The following PXK variants were observed in gnomAD, a reference collection of about 807,000 sequenced individuals.
PXK encodes PX domain containing serine/threonine kinase like.
PXK carries 35 observed loss-of-function variants against 84.7 expected under a neutral mutation model. That is an observed-to-expected ratio of 0.41 (90% CI 0.32 to 0.55). PXK has a LOEUF of 0.55. Ranked by LOEUF, PXK falls within the 20% of genes least tolerant of loss-of-function variation. The pLI is 0.21. For missense variants in PXK, 634 were observed against 699.7 expected, an observed-to-expected ratio of 0.91 and a Z score of 1.06; for synonymous variants, 253 against 260.8, an observed-to-expected ratio of 0.97 and a Z score of 0.29.
chr3:58,420,548 C>T, intron 17 of PXK: 2 of 1,535,916 alleles, frequency 1.3e-6, no homozygotes, highest in Non-Finnish European at 1.7e-6. Context: ...GAGCATGCAC[C>T]ATTTTGAACG....
At position 58,366,009 on chromosome 3, in the gene PXK, T is replaced by A. The variant is rs1191087435; in HGVS notation, c.153+85T>A. 5 of 1,176,154 alleles carry A rather than the reference T, an allele frequency of 4.3e-6. No homozygotes were observed. In the African/African-American group the frequency reaches 6.4e-5, roughly 15 times the overall value. The allele number at this position is 1,176,154 out of a possible 1,614,324, so 72.9% of individuals were successfully genotyped here. A position where few individuals can be genotyped will look rare whatever the true frequency, so the allele number is the denominator to read the frequency against. Reference sequence around the variant, plus strand: ...CCCTGACTTGGGGCCTCTGAAAGTCTGGAAAAATCAGAACATGCATAAATA... The same window carrying A: ...CCCTGACTTGGGGCCTCTGAAAGTCAGGAAAAATCAGAACATGCATAAATA... On this transcript the variant is annotated intron_variant, in intron 2 of 17. Transcript: ENST00000356151.
intron 3 of PXK, among the ~76,000 whole-genome samples, chr3:58,378,624 TC>T (rs2098468695): frequency 6.9e-6 from 1 of 145,502 alleles, no homozygotes; most frequent in South Asian, 2.4e-4. Flanking sequence ...AACCTCTGCC[TC>T]CCAGGTTCAA....
chr3:58,388,107 G>T (rs2098579097), intron 4 of PXK, among the ~76,000 whole-genome samples: 1 of 152,344 alleles, frequency 6.6e-6, no homozygotes, highest in Non-Finnish European at 1.5e-5. Context: ...CCGAGTCTGG[G>T]GAAGGAGGGG....
intron 1 of PXK, among the ~76,000 whole-genome samples, chr3:58,341,190 T>C (rs906555370): frequency 6.6e-6 from 1 of 152,176 alleles, no homozygotes; most frequent in Admixed American, 6.5e-5. Context: ...TTTCTTCAGA[T>C]TGACCATTTA....
chr3:58,418,406 G>A (rs1450746252), intron 17 of PXK, among the ~76,000 whole-genome samples: 2 of 152,198 alleles, frequency 1.3e-5, no homozygotes, highest in African/African-American at 4.8e-5. Flanking sequence ...AGAGCCAGGA[G>A]TGTAACTTGT....
At chr3:58,337,909 G>A (rs774178953) in intron 1 of PXK, among the ~76,000 whole-genome samples, 1 of 152,138 alleles carries the variant, frequency 6.6e-6, no homozygotes, top group South Asian at 2.1e-4. Flanking sequence ...CTATTCAAAT[G>A]TAATGGCAAA....
At chr3:58,378,236 G>A (rs2098460182) in intron 3 of PXK, among the ~76,000 whole-genome samples, 1 of 152,110 alleles carries the variant, frequency 6.6e-6, no homozygotes, top group Non-Finnish European at 1.5e-5. Context: ...GATATTAGAA[G>A]ATTGTTTTAG....
intron 1 of PXK, among the ~76,000 whole-genome samples, chr3:58,336,071 A>ATATATATATATATATATATATT (rs1284780630): frequency 1.9e-5 from 1 of 51,582 alleles, no homozygotes; most frequent in Non-Finnish European, 3.3e-5. Flanking sequence ...ATATATATAT[A>ATATATATATATATATATATATT]TTTTTTTTTT....
At chr3:58,377,160 G>T (rs999956521) in intron 3 of PXK, among the ~76,000 whole-genome samples, 2 of 152,146 alleles carry the variant, frequency 1.3e-5, no homozygotes, top group African/African-American at 4.8e-5. Context: ...TTTACTCTGT[G>T]TATGCTCTGA....
intron 1 of PXK, among the ~76,000 whole-genome samples, chr3:58,336,975 A>G (rs2097631269): frequency 6.6e-6 from 1 of 151,632 alleles, no homozygotes; most frequent in Non-Finnish European, 1.5e-5. Context: ...ATGCCTGGCT[A>G]ATTTTTGTAT....
chr3:58,410,851 G>A (rs1213241627), intron 16 of PXK, among the ~76,000 whole-genome samples: 1 of 152,192 alleles, frequency 6.6e-6, no homozygotes, highest in African/African-American at 2.4e-5. Flanking sequence ...GCCCTGAAGG[G>A]CCACGGGAAT....
intron 1 of PXK, among the ~76,000 whole-genome samples, chr3:58,344,986 C>G (rs1447520252): frequency 6.6e-6 from 1 of 152,204 alleles, no homozygotes; most frequent in Non-Finnish European, 1.5e-5. Flanking sequence ...GTTCCAACAT[C>G]AGTACATAGA....
intron 1 of PXK, among the ~76,000 whole-genome samples, chr3:58,356,122 T>C (rs970211310): frequency 5.3e-5 from 8 of 152,230 alleles, no homozygotes; most frequent in African/African-American, 1.9e-4. Flanking sequence ...CACGTGGTCC[T>C]GGTGCAAGTG....
chr3:58,366,456 C>A (rs1363697171), intron 2 of PXK, among the ~76,000 whole-genome samples: 1 of 152,064 alleles, frequency 6.6e-6, no homozygotes, highest in African/African-American at 2.4e-5. Flanking sequence ...CTGGACAGAT[C>A]GAGAGGTCCT....
chr3:58,351,141 A>G (rs2097914057), intron 1 of PXK, among the ~76,000 whole-genome samples: 1 of 152,216 alleles, frequency 6.6e-6, no homozygotes, highest in Non-Finnish European at 1.5e-5. Context: ...TTTATCATTG[A>G]TAACATACCA....
At chr3:58,342,495 T>C (rs2097753920) in intron 1 of PXK, among the ~76,000 whole-genome samples, 1 of 151,620 alleles carries the variant, frequency 6.6e-6, no homozygotes, top group Non-Finnish European at 1.5e-5. Context: ...ATTAGCCAGG[T>C]AAGGTAGTGC....
chr3:58,374,484 A>G (rs1418850823), intron 3 of PXK, among the ~76,000 whole-genome samples: 1 of 151,568 alleles, frequency 6.6e-6, no homozygotes, highest in East Asian at 1.9e-4. Context: ...TCCCCTTTCC[A>G]TTTTCACTCT....
rs929755532 is a variant in PXK, at chr3:58,401,843, C to T, written c.1182-2019C>T. Among the ~76,000 whole-genome samples the T allele has an allele frequency of 5.3e-5, 8 of 152,010 alleles. No individual in the cohort carries two copies. The highest frequency in any genetic ancestry group is 1.2e-4 in the African/African-American group (5 of 41,390). ...CCAGGAGGCGGAGTTTGCACTGGAGCGCGCCACTGCACTCCAGCCTGGGCG... is the reference window on the plus strand; with the variant it reads ...CCAGGAGGCGGAGTTTGCACTGGAGTGCGCCACTGCACTCCAGCCTGGGCG... On this transcript the variant is annotated intron_variant, in intron 12 of 17. Coordinates refer to ENST00000356151, the MANE Select transcript of PXK (RefSeq NM_017771.5). This position sits in a 1 kb window ranked among gnomAD's most constrained non-coding sequence, Gnocchi z 4.4.
rs1367543152 is a variant in PXK at position 58,333,887 on chromosome 3, T to TC, written c.102+797_102+798insC. 6.6e-6 allele frequency among the ~76,000 whole-genome samples: 1 copy of TC among 152,062 alleles called. No individual in the cohort carries two copies. The highest frequency in any genetic ancestry group is 2.4e-5 in the African/African-American group (1 of 41,396). ...TCATTTGCTTGTACCTTTTTTTTTT[T>TC]TTGAAAGGCCCACTATGCATTATAA... On this transcript the variant is annotated intron_variant, in intron 1 of 17. Coordinates refer to ENST00000356151, the MANE Select transcript of PXK (RefSeq NM_017771.5). The surrounding 1 kb of genome is among the most constrained non-coding windows in gnomAD (Gnocchi z 5.4).
Sources: gnomAD v4.1 joint callset for allele counts (sites outside exome capture counted in the v4.1 genomes callset) on GRCh38, gnomAD v4.1.1 for gene constraint, Gnocchi (gnomAD v3.1) non-coding constraint, MANE v1.5 for transcripts, NCBI Gene and HGNC (gene_info 2026-07-23, HGNC 2026-07-21) for gene names.